The following TNIK variants were observed in gnomAD, a reference collection of about 807,000 sequenced individuals.
TNIK encodes the protein TRAF2 and NCK-interacting protein kinase.
Under a neutral mutation model 191.3 loss-of-function variants are expected in TNIK, and 49 were observed. That is an observed-to-expected ratio of 0.26 (90% CI 0.20 to 0.32). The LOEUF is 0.32. TNIK is among the 10% of genes least tolerant of loss of function. The probability of loss-of-function intolerance (pLI) is 1.00; values close to 1 mark genes in which losing one functional copy is unlikely to be tolerated. For missense variants in TNIK, 1,155 were observed against 1,702.3 expected, an observed-to-expected ratio of 0.68 and a Z score of 5.66; for synonymous variants, 594 against 600.9, an observed-to-expected ratio of 0.99 and a Z score of 0.17.
At chr3:171,240,203 T>C (rs1744780588) in intron 2 of TNIK, among the ~76,000 whole-genome samples, 1 of 152,164 alleles carries the variant, frequency 6.6e-6, no homozygotes, top group Admixed American at 6.5e-5. Context: ...GTGAGACGGG[T>C]AAGCACAGCA....
Position 171,254,725 on chromosome 3 carries a change from A to G in TNIK, c.124-26504T>C, listed in dbSNP as rs1170472506. 2.6e-5 allele frequency among the ~76,000 whole-genome samples: 4 copies of G among 152,220 alleles called. 1 individual carries two copies. The highest frequency in any genetic ancestry group is 5.9e-5 in the Non-Finnish European group (4 of 68,038). ...CATATAAGGGCTAAATGGAAATCCT[A>G]GTAGTACAGCATTTATCTATCATTT... On this transcript the variant is annotated intron_variant, in intron 2 of 32. Transcript: ENST00000436636.
chr3:171,266,395 C>T (rs1016118117), intron 2 of TNIK, among the ~76,000 whole-genome samples: 2 of 152,098 alleles, frequency 1.3e-5, no homozygotes, highest in African/African-American at 4.8e-5. Flanking sequence ...GAAAACAAAG[C>T]AAACACCTTC....
chr3:171,395,863 C>T (rs1720165431), intron 1 of TNIK, among the ~76,000 whole-genome samples: 1 of 152,158 alleles, frequency 6.6e-6, no homozygotes, highest in Non-Finnish European at 1.5e-5. Flanking sequence ...GTACCCTCCT[C>T]TCATAGCCCA....
At chr3:171,066,375 T>G (rs200693466) in intron 31 of TNIK, 49 bp from the exon 32 acceptor site, 31 of 1,601,458 alleles carry the variant, frequency 1.9e-5, no homozygotes, top group Non-Finnish European at 2.6e-5. Context: ...AGATGGGCAA[T>G]AACTCACAGC....
At chr3:171,292,941 G>T (rs1751850919) in intron 2 of TNIK, among the ~76,000 whole-genome samples, 1 of 152,128 alleles carries the variant, frequency 6.6e-6, no homozygotes, top group Non-Finnish European at 1.5e-5. Flanking sequence ...ACAAGAAAGT[G>T]AGGAGTTTTT....
At position 171,423,709 on chromosome 3, in the gene TNIK, C is replaced by G. The variant is rs973773353; in HGVS notation, c.57+36298G>C. On this transcript the variant is annotated intron_variant, in intron 1 of 32. Coordinates refer to ENST00000436636, the MANE Select transcript of TNIK (RefSeq NM_015028.4). The stretch of plus-strand genomic sequence containing the variant: ...CTATGACTATCTGATCTTTGACAAA[C>G]CTGACAAAAACAAGAAATGGGGAAA... Among the ~76,000 whole-genome samples the G allele has an allele frequency of 3.3e-5, 5 of 152,196 alleles. No homozygotes were observed. The East Asian group carries it at 5.8e-4, about 18-fold the overall frequency.
chr3:171,158,886 G>A (rs1733585993), intron 11 of TNIK, among the ~76,000 whole-genome samples: 1 of 152,204 alleles, frequency 6.6e-6, no homozygotes, highest in Non-Finnish European at 1.5e-5. Flanking sequence ...GTTCCAGGCA[G>A]AGGGAAAAGC....
At chr3:171,111,353 T>C (rs912144028) in intron 18 of TNIK, among the ~76,000 whole-genome samples, 1 of 152,004 alleles carries the variant, frequency 6.6e-6, no homozygotes, top group Non-Finnish European at 1.5e-5. Context: ...AGGTCAAGGC[T>C]TCAGTGAGCC....
At chr3:171,221,835 C>A (rs930709257) in intron 3 of TNIK, among the ~76,000 whole-genome samples, 1 of 152,004 alleles carries the variant, frequency 6.6e-6, no homozygotes, top group Non-Finnish European at 1.5e-5. Context: ...AAACTATTTA[C>A]CCATATCAGC....
intron 1 of TNIK, among the ~76,000 whole-genome samples, chr3:171,438,554 C>G (rs1458483732): frequency 6.6e-6 from 1 of 152,218 alleles, no homozygotes; most frequent in African/African-American, 2.4e-5. Flanking sequence ...TCTTAAGTTC[C>G]TGCCCTTAAG....
intron 14 of TNIK, 100 bp from the exon 15 acceptor site, chr3:171,138,479 T>A: frequency 8.8e-7 from 1 of 1,132,166 alleles, no homozygotes. Context: ...AAAATAATGC[T>A]AAATAACAAA....
intron 22 of TNIK, 113 bp from the exon 23 acceptor site, chr3:171,094,081 T>G: frequency 7.5e-7 from 1 of 1,334,368 alleles, no homozygotes; most frequent in Non-Finnish European, 9.9e-7. Context: ...AACATAAAAT[T>G]TACCATTGTA....
In TNIK at chr3:171,087,481, C is replaced by G. The variant is rs1316058327; in HGVS notation, c.2747G>C (p.Gly916Ala). 6.2e-7 allele frequency: 1 copy of G among 1,613,838 alleles called. No homozygotes were observed. Among genetic ancestry groups the G allele is most frequent in the Admixed American group, 1.7e-5 (1 of 60,016 alleles). The part of the protein sequence containing the change: ...RETSGEKKRS[G>A]HSDSNGFAGH... Reference sequence around the variant, plus strand: ...AGCAAAGCCATTGCTGTCACTGTGGCCAGATCGCTTCTTCTCTCCAGACGT... The same window carrying G: ...AGCAAAGCCATTGCTGTCACTGTGGGCAGATCGCTTCTTCTCTCCAGACGT... Residue 916 changes from glycine to alanine, a missense_variant, in exon 24 of 33, where the codon GGC becomes GCC. This residue lies in a region of TNIK where 735 missense variants were observed against 848.0 expected (regional missense o/e 0.87). Transcript: ENST00000436636.
At chr3:171,312,146 T>G (rs1577438023) in intron 2 of TNIK, among the ~76,000 whole-genome samples, 1 of 95,828 alleles carries the variant, frequency 1.0e-5, no homozygotes, top group Non-Finnish European at 2.0e-5. Flanking sequence ...AAAAAAGGGC[T>G]AGACTGGCAT....
chr3:171,101,466 G>A lies in TNIK; in HGVS notation c.2574C>T (p.Ser858=), dbSNP rs900629577. 10 of 1,611,112 alleles carry A rather than the reference G, an allele frequency of 6.2e-6. No homozygotes were observed. The highest frequency in any genetic ancestry group is 4.0e-5 in the African/African-American group (3 of 74,618). Residue 858 remains serine (S), a synonymous_variant, in exon 22 of 33, where the codon AGC becomes AGT. Transcript: ENST00000436636. ...TCTCTTACATCAGTCTGGGTATGTC[G>A]CTGACAGCCACTGTCCCATCATGGG... The part of the protein sequence containing the change: ...SETHDGTVAV[S]DIPRLIPTGA...
intron 4 of TNIK, among the ~76,000 whole-genome samples, chr3:171,205,707 C>T (rs79647131): frequency 2.6e-5 from 4 of 152,148 alleles, no homozygotes; most frequent in African/African-American, 9.7e-5. Flanking sequence ...GGTCAGATCC[C>T]ATCCCCCTCA....
Position 171,378,088 on chromosome 3 carries a change from T to C in TNIK, c.58-8403A>G, listed in dbSNP as rs902082636. ...TGGCTGGGAGCATAGAAGTTTTCTA[T>C]ACCATGGTTGCTTGGTGTCCCTGCC... On this transcript the variant is annotated intron_variant, in intron 1 of 32. Coordinates refer to ENST00000436636, the MANE Select transcript of TNIK (RefSeq NM_015028.4). Among the ~76,000 whole-genome samples the C allele has an allele frequency of 1.1e-4, 17 of 152,326 alleles. No homozygotes were observed. The South Asian group carries it at 2.7e-3, about 24-fold the overall frequency.
At chr3:171,092,862 A>G (rs886541396) in intron 23 of TNIK, among the ~76,000 whole-genome samples, 2 of 152,240 alleles carry the variant, frequency 1.3e-5, no homozygotes, top group African/African-American at 4.8e-5. Flanking sequence ...CTGAAGAGGA[A>G]AAACAGATGA....
chr3:171,097,312 A>G (rs1722859171), intron 22 of TNIK, among the ~76,000 whole-genome samples: 1 of 152,252 alleles, frequency 6.6e-6, no homozygotes, highest in Non-Finnish European at 1.5e-5. Flanking sequence ...GGAACTGAGC[A>G]ATAAACAGTG....
Sources: allele counts gnomAD v4.1 joint callset (sites outside exome capture counted in the v4.1 genomes callset), GRCh38; gene constraint gnomAD v4.1.1; regional missense constraint gnomAD v4.1.1; transcripts MANE v1.5; gene names NCBI Gene and HGNC (gene_info 2026-07-23, HGNC 2026-07-21).